Variants in USF3 observed in about 807,000 individuals in gnomAD.
The protein encoded by USF3 is basic helix-loop-helix domain-containing protein USF3.
A neutral mutation model predicts 157.5 loss-of-function variants in USF3; 29 were observed. The observed-to-expected ratio is 0.18, with a 90% CI of 0.14 to 0.25. The LOEUF (loss-of-function observed/expected upper bound fraction) is 0.25. USF3 is among the 10% of genes least tolerant of loss of function. The pLI is 1.00. For missense variants in USF3, 2,381 were observed against 2,667.6 expected (o/e 0.89, Z 2.37); for synonymous variants, 893 against 941.4 (o/e 0.95, Z 0.94).
intron 6 of USF3, among the ~76,000 whole-genome samples, chr3:113,662,028 G>A (rs1249907262): frequency 6.6e-6 from 1 of 152,152 alleles, no homozygotes; most frequent in Non-Finnish European, 1.5e-5. Context: ...CATATTTTTA[G>A]TAGATTCAGG....
At position 113,657,312 on chromosome 3, in the gene USF3, T is replaced by C. The variant is rs202124437; in HGVS notation, c.4370A>G (p.His1457Arg). ...CTGCTGCTGCTGCTTTATGTAGAGA[T>C]GGTTACTATGAAGGTGAGATACACC... ...AQGVSHLHSN[H>R]LYIKQQQQQQ... The change falls in exon 7 of 7, where the codon CAT becomes CGT. Residue 1457 changes from histidine to arginine, a missense_variant. This residue lies in a region of USF3 where 1,435 missense variants were observed against 1,550.9 expected (regional missense o/e 0.93). Transcript: ENST00000316407. 3.1e-6 allele frequency: 5 copies of C among 1,613,442 alleles called. No individual in the cohort carries two copies. The highest frequency in any genetic ancestry group is 3.3e-5 in the Admixed American group (2 of 59,956).
chr3:113,675,235 G>C (rs1017182344), intron 2 of USF3, among the ~76,000 whole-genome samples: 1 of 152,174 alleles, frequency 6.6e-6, no homozygotes, highest in Non-Finnish European at 1.5e-5. Context: ...GTAGAGCATA[G>C]TTGAGTTGGG....
chr3:113,692,304 A>C (rs1707703617), intron 1 of USF3, among the ~76,000 whole-genome samples: 2 of 152,150 alleles, frequency 1.3e-5, no homozygotes. Context: ...AGTTTTCACC[A>C]CCAGACTATA....
chr3:113,660,362 T>C lies in USF3; in HGVS notation c.1320A>G (p.Gly440=). 1.9e-6 allele frequency: 3 copies of C among 1,614,232 alleles called. No individual in the cohort carries two copies. In the South Asian group the frequency reaches 3.3e-5, roughly 18 times the overall value. The change falls in exon 7 of 7, where the codon GGA becomes GGG. Residue 440 remains glycine (G), a synonymous_variant. Coordinates refer to ENST00000316407, the MANE Select transcript of USF3 (RefSeq NM_001009899.4). ...QTTWTTLQLA[G]NTIQPLSQTP... Reference sequence around the variant, plus strand: ...TCTGGCTTAAGGGCTGAATAGTGTTTCCTGCCAGTTGCAAAGTAGTCCACG... The same window carrying C: ...TCTGGCTTAAGGGCTGAATAGTGTTCCCTGCCAGTTGCAAAGTAGTCCACG...
intron 1 of USF3, among the ~76,000 whole-genome samples, chr3:113,680,053 CTTTTTTTTTT>C (rs71131103): frequency 2.0e-4 from 12 of 58,620 alleles, no homozygotes; most frequent in African/African-American, 3.6e-4. Flanking sequence ...CTGTAGTTTT[CTTTTTTTTTT>C]TTTTTTTTTT....
At chr3:113,679,354 A>T (rs1240125734) in intron 1 of USF3, among the ~76,000 whole-genome samples, 2 of 151,930 alleles carry the variant, frequency 1.3e-5, no homozygotes, top group African/African-American at 4.8e-5. Flanking sequence ...TGACGAATGC[A>T]CACAACTGTA....
At chr3:113,666,441 C>T (rs550388135) in intron 5 of USF3, among the ~76,000 whole-genome samples, 19 of 144,764 alleles carry the variant, frequency 1.3e-4, no homozygotes, top group Non-Finnish European at 2.0e-4. Flanking sequence ...TTGGTAGAGA[C>T]GGGGTTTCAC....
chr3:113,655,890 G>C lies in USF3; in HGVS notation c.5792C>G (p.Thr1931Ser), dbSNP rs368544665. ...GACTGGAGGGTTCATGTGGCCCTTG[G>C]TGGCATGACTCTCAGTAATCCTCAT... ...NPMRITESHA[T>S]KGHMNPPVTT... The change falls in exon 7 of 7, where the codon ACC becomes AGC. Residue 1931 changes from threonine to serine, a missense_variant. This residue lies in a region of USF3 where 770 missense variants were observed against 824.2 expected (regional missense o/e 0.93). Coordinates refer to ENST00000316407, the MANE Select transcript of USF3 (RefSeq NM_001009899.4). 7.4e-6 allele frequency: 12 copies of C among 1,614,162 alleles called. No individual in the cohort carries two copies. The highest frequency in any genetic ancestry group is 9.3e-6 in the Non-Finnish European group (11 of 1,180,030).
chr3:113,655,669 T>C lies in USF3; in HGVS notation c.6013A>G (p.Thr2005Ala), dbSNP rs962427845. Residue 2005 changes from threonine (T) to alanine (A), a missense_variant, in exon 7 of 7, where the codon ACT (threonine) becomes GCT (alanine). Physicochemically the swap from Thr to Ala is moderately conservative, Grantham distance 58 (BLOSUM62 0). This residue lies in a region of USF3 where 770 missense variants were observed against 824.2 expected (regional missense o/e 0.93). Transcript: ENST00000316407. The stretch of plus-strand genomic sequence containing the variant: ...TGGGGAAGACTTGGATCAAAGACAG[T>C]ACTTTGCCTTTGGTTTCCAGAACGA... Reference protein sequence around the residue: ...RNRSGNQRQSTVFDPSLPHLP... With the variant: ...RNRSGNQRQSAVFDPSLPHLP... 18 of 1,614,012 alleles carry C rather than the reference T, an allele frequency of 1.1e-5. No individual in the cohort carries two copies. The Admixed American group carries it at 2.2e-4, about 19-fold the overall frequency.
At chr3:113,693,277 G>A (rs1485046502) in intron 1 of USF3, among the ~76,000 whole-genome samples, 1 of 152,152 alleles carries the variant, frequency 6.6e-6, no homozygotes, top group African/African-American at 2.4e-5. Context: ...ATGTTGCAAT[G>A]GTATTCAAGA....
chr3:113,689,604 T>C (rs1365064732), intron 1 of USF3, among the ~76,000 whole-genome samples: 1 of 152,224 alleles, frequency 6.6e-6, no homozygotes, highest in Non-Finnish European at 1.5e-5. Context: ...TTCCTCATGT[T>C]AAACAAGAAT....
chr3:113,650,336 A>G lies in USF3; in HGVS notation c.*4608T>C, dbSNP rs80340180. On this transcript the variant is annotated 3_prime_UTR_variant, in exon 7 of 7. Coordinates refer to ENST00000316407, the MANE Select transcript of USF3 (RefSeq NM_001009899.4). ...TTATTGTTGCTTTTTAAGAGAATAC[A>G]AGGCATACTGGTTCCCAAAGCCAAG... 4,122 of 156,942 alleles carry G rather than the reference A, an allele frequency of 0.026. 151 individuals carry two copies. Among genetic ancestry groups the G allele is most frequent in the African/African-American group, 0.078 (3,227 of 41,590 alleles). The allele number at this position is 156,942 out of a possible 1,614,324, so 9.7% of individuals were successfully genotyped here. A position where few individuals can be genotyped will look rare whatever the true frequency, so the allele number is the denominator to read the frequency against.
chr3:113,687,229 TCACACACA>T lies in USF3; in HGVS notation c.-135+9133_-135+9140del, dbSNP rs67480409. 3.6e-3 allele frequency among the ~76,000 whole-genome samples: 364 copies of T among 102,522 alleles called. 2 individuals carry two copies. Among genetic ancestry groups the T allele is most frequent in the Middle Eastern group, 9.7e-3 (2 of 206 alleles). 67.3% of individuals were successfully genotyped at this position (102,522 alleles called of 152,430 possible). A position where few individuals can be genotyped will look rare whatever the true frequency, so the allele number is the denominator to read the frequency against. On this transcript the variant is annotated intron_variant, in intron 1 of 6. Transcript: ENST00000316407. ...GCTGTTGTGCCCTTTACACACACAG[TCACACACA>T]CACACACACACACACACACACACAC...
rs751087143 is a variant in USF3 at position 113,656,069 on chromosome 3, A to T, written c.5613T>A (p.Ser1871Arg). 2 of 1,613,922 alleles carry T rather than the reference A, an allele frequency of 1.2e-6. No individual in the cohort carries two copies. The highest frequency in any genetic ancestry group is 3.3e-4 in the Middle Eastern group (2 of 6,062). ...THENVHIRRE[S>R]ESQNRESCDM... ...CACAACTTTCCCTATTCTGACTCTCACTCTCTCTTCTAATATGGACATTTT... is the reference window on the plus strand; with the variant it reads ...CACAACTTTCCCTATTCTGACTCTCTCTCTCTCTTCTAATATGGACATTTT... The change falls in exon 7 of 7, where the codon AGT becomes AGA. Residue 1871 changes from serine (S) to arginine (R), a missense_variant. By Grantham distance (110) the Ser-to-Arg change is moderately radical. Coordinates refer to ENST00000316407, the MANE Select transcript of USF3 (RefSeq NM_001009899.4).
At position 113,655,520 on chromosome 3, in the gene USF3, A is replaced by T. The variant is rs1193609417; in HGVS notation, c.6162T>A (p.Pro2054=). ...AATTTTGTGATAGTGTATGCTGGTC[A>T]GGACCTGAATTATCATTAGGTACTT... is the stretch of plus-strand genomic sequence containing the variant. ...SPQVPNDNSG[P]DQHTLSQNFG... is the part of the protein sequence containing the mutation. The change falls in exon 7 of 7, where the codon CCT becomes CCA. Residue 2054 remains proline (P), a synonymous_variant. Transcript: ENST00000316407. The T allele has an allele frequency of 6.2e-7, 1 of 1,614,098 alleles. No individual in the cohort carries two copies. The highest frequency in any genetic ancestry group is 8.5e-7 in the Non-Finnish European group (1 of 1,180,034).
rs1313910066 is a variant in USF3, at chr3:113,651,397, T to G, written c.*3547A>C. On this transcript the variant is annotated 3_prime_UTR_variant, in exon 7 of 7. Transcript: ENST00000316407. ...TTTGGGAGTATGACTTACCACCACA[T>G]GCTGATCCATACATGGTGGGCCCAA... 6.6e-6 allele frequency: 1 copy of G among 152,176 alleles called. No individual in the cohort carries two copies. The highest frequency in any genetic ancestry group is 1.5e-5 in the Non-Finnish European group (1 of 68,030). The allele number at this position is 152,176 out of a possible 1,614,324, so 9.4% of individuals were successfully genotyped here.
Position 113,657,184 on chromosome 3 carries a change from T to C in USF3, c.4498A>G (p.Ser1500Gly). The C allele has an allele frequency of 6.2e-7, 1 of 1,614,212 alleles. No individual in the cohort carries two copies. The highest frequency in any genetic ancestry group is 2.2e-5 in the East Asian group (1 of 44,890). The change falls in exon 7 of 7, where the codon AGC becomes GGC. Residue 1500 changes from serine (S) to glycine (G), a missense_variant. Around this residue, in one of 6 missense-constraint regions of USF3, gnomAD observed 50 missense variants for 79.7 expected, o/e 0.63. Coordinates refer to ENST00000316407, the MANE Select transcript of USF3 (RefSeq NM_001009899.4). ...TTATGGGGCTGAGAGTGGACAGAGC[T>C]CTCTGCATGAGGTACATGATGCTGC... ...QMQHHVPHAE[S>G]SVHSQPHNVH...
intron 1 of USF3, among the ~76,000 whole-genome samples, chr3:113,684,036 G>A (rs1238512990): frequency 6.6e-6 from 1 of 152,120 alleles, no homozygotes; most frequent in African/African-American, 2.4e-5. Context: ...TGTAGGACAG[G>A]TCTGGTGTTG....
chr3:113,695,948 A>T (rs1707787857), intron 1 of USF3, among the ~76,000 whole-genome samples: 1 of 152,246 alleles, frequency 6.6e-6, no homozygotes. Flanking sequence ...TACGAAAGAA[A>T]TTCAGAGGGC....
Sources: allele counts gnomAD v4.1 joint callset (sites outside exome capture counted in the v4.1 genomes callset), GRCh38; gene constraint gnomAD v4.1.1; regional missense constraint gnomAD v4.1.1; transcripts MANE v1.5; gene names NCBI Gene and HGNC (gene_info 2026-07-23, HGNC 2026-07-21).